The following DCUN1D1 variants were observed in gnomAD, a reference collection of about 807,000 sequenced individuals.
The protein encoded by DCUN1D1 is DCN1-like protein 1.
In DCUN1D1, 3 loss-of-function variants were observed where a neutral mutation model predicts 39.0. The ratio of observed to expected loss-of-function variants is 0.08; its 90% confidence interval spans 0.04 to 0.20. DCUN1D1 has a LOEUF of 0.20. Ranked by LOEUF, DCUN1D1 falls within the 10% of genes least tolerant of loss-of-function variation. The pLI, the probability that DCUN1D1 is intolerant of heterozygous loss-of-function variation, is 1.00. For synonymous variants in DCUN1D1, 82 were observed against 96.3 expected, an observed-to-expected ratio of 0.85 and a Z score of 0.87; for missense variants, 158 against 302.4, an observed-to-expected ratio of 0.52 and a Z score of 3.54.
At chr3:182,980,858 C>T (rs1288542141), upstream of DCUN1D1, 1 of 151,702 alleles carries the variant, frequency 6.6e-6, no homozygotes, top group African/African-American at 2.4e-5. Context: ...GCGGTTCCTT[C>T]CGGACGACCA....
At chr3:182,978,271 G>A (rs975914266) in intron 1 of DCUN1D1, among the ~76,000 whole-genome samples, 3 of 152,136 alleles carry the variant, frequency 2.0e-5, no homozygotes, top group African/African-American at 7.2e-5. Context: ...TCACAGCCCC[G>A]AAACTGCATA....
At chr3:182,965,466 C>T in intron 2 of DCUN1D1, 71 bp downstream of exon 2, 2 of 951,548 alleles carry the variant, frequency 2.1e-6, no homozygotes, top group East Asian at 2.5e-5. Context: ...TATAGTATTT[C>T]ATTTCTCATA....
At chr3:182,955,063 T>C (rs1264515849) in intron 4 of DCUN1D1, among the ~76,000 whole-genome samples, 1 of 151,948 alleles carries the variant, frequency 6.6e-6, no homozygotes, top group East Asian at 1.9e-4. Flanking sequence ...TTTTTGAGAC[T>C]GAGCCTCGCT....
intron 1 of DCUN1D1, among the ~76,000 whole-genome samples, chr3:182,972,780 C>T (rs924808189): frequency 2.0e-5 from 3 of 152,194 alleles, no homozygotes; most frequent in African/African-American, 7.2e-5. Context: ...GTGGCTCACA[C>T]CTGTAATCCC....
At chr3:182,979,108 G>T (rs1728385328) in intron 1 of DCUN1D1, among the ~76,000 whole-genome samples, 1 of 152,200 alleles carries the variant, frequency 6.6e-6, no homozygotes, top group Non-Finnish European at 1.5e-5. Context: ...ACTAGAAACT[G>T]TTTAGACTGC....
chr3:182,945,282 A>G, intron 6 of DCUN1D1, 109 bp from the exon 7 acceptor site: 3 of 832,044 alleles, frequency 3.6e-6, no homozygotes, highest in East Asian at 5.4e-5. Context: ...GCGTTAAAGT[A>G]TATCATTCTT....
At chr3:182,983,091 C>T (rs1728612768), upstream of DCUN1D1, among the ~76,000 whole-genome samples, 1 of 152,162 alleles carries the variant, frequency 6.6e-6, no homozygotes. Context: ...AAGCATGAGC[C>T]TCTGGAATGG....
At position 182,955,406 on chromosome 3, in the gene DCUN1D1, TTC is replaced by T. The variant is rs1199952184; in HGVS notation, c.520+5818_520+5819del. 19 of 543,680 alleles carry T rather than the reference TTC, an allele frequency of 3.5e-5. 1 individual carries two copies. Among genetic ancestry groups the T allele is most frequent in the Middle Eastern group, 4.7e-4 (1 of 2,132 alleles). The allele number at this position is 543,680 out of a possible 1,614,324, so 33.7% of individuals were successfully genotyped here. A position where few individuals can be genotyped will look rare whatever the true frequency, so the allele number is the denominator to read the frequency against. On this transcript the variant is annotated intron_variant, in intron 4 of 6. Transcript: ENST00000292782. ...TGAACAGAATAGCAATGTCTTCTTC[TTC>T]CCACATTTTGCGCAAACTTCAAGTT...
chr3:182,947,422 A>G, intron 5 of DCUN1D1, 88 bp from the exon 6 acceptor site: 2 of 1,130,160 alleles, frequency 1.8e-6, no homozygotes, highest in East Asian at 5.0e-5. Flanking sequence ...ACAAGAATGC[A>G]AAACAATTAT....
intron 1 of DCUN1D1, among the ~76,000 whole-genome samples, chr3:182,973,752 A>G (rs1241751614): frequency 1.3e-5 from 2 of 151,270 alleles, no homozygotes; most frequent in Non-Finnish European, 2.9e-5. Flanking sequence ...GGCTGCAGTG[A>G]GCTGAAATTG....
Position 182,941,802 on chromosome 3 carries a change from GCAC to G in DCUN1D1, c.*3289_*3291del, listed in dbSNP as rs979025330. 1 of 152,000 alleles carries G rather than the reference GCAC, an allele frequency of 6.6e-6. No homozygotes were observed. Among genetic ancestry groups the G allele is most frequent in the African/African-American group, 2.4e-5 (1 of 41,410 alleles). The allele number at this position is 152,000 out of a possible 1,614,324, so 9.4% of individuals were successfully genotyped here. A position where few individuals can be genotyped will look rare whatever the true frequency, so the allele number is the denominator to read the frequency against. ...TTGTGAACCATGGTGAATTTCCCCAGCACCACTTTTTTATTCCAAAACTCCTTC... is the reference window on the plus strand; with the variant it reads ...TTGTGAACCATGGTGAATTTCCCCAGCACTTTTTTATTCCAAAACTCCTTC... On this transcript the variant is annotated 3_prime_UTR_variant, in exon 7 of 7. Coordinates refer to ENST00000292782, the MANE Select transcript of DCUN1D1 (RefSeq NM_020640.4).
At chr3:182,957,937 C>CAA (rs34998390) in intron 4 of DCUN1D1, among the ~76,000 whole-genome samples, 38,032 of 67,550 alleles carry the variant, frequency 0.56, 12,780 homozygotes, top group Non-Finnish European at 0.73. Context: ...GACCCTGCAT[C>CAA]AAAAAAAAAA....
chr3:182,982,163 G>A (rs931365755), upstream of DCUN1D1, among the ~76,000 whole-genome samples: 12 of 152,170 alleles, frequency 7.9e-5, no homozygotes, highest in Non-Finnish European at 1.5e-5. Flanking sequence ...CCTCTCGCCT[G>A]CGTTTGGACA....
At position 182,950,383 on chromosome 3, in the gene DCUN1D1, T is replaced by C. The variant is rs148891032; in HGVS notation, c.521-2751A>G. Reference sequence around the variant, plus strand: ...GGATGGTCTCTATCTCCTGACCTTGTGATCCGCCTGCCTCAGCCTACCAAA... The same window carrying C: ...GGATGGTCTCTATCTCCTGACCTTGCGATCCGCCTGCCTCAGCCTACCAAA... On this transcript the variant is annotated intron_variant, in intron 4 of 6. Transcript: ENST00000292782. 2.8e-3 allele frequency among the ~76,000 whole-genome samples: 427 copies of C among 152,164 alleles called. 3 individuals are homozygous for C. Among genetic ancestry groups the C allele is most frequent in the African/African-American group, 1.0e-2 (415 of 41,534 alleles).
At chr3:182,960,802 G>A (rs1375866739) in intron 4 of DCUN1D1, among the ~76,000 whole-genome samples, 3 of 152,174 alleles carry the variant, frequency 2.0e-5, no homozygotes, top group Non-Finnish European at 4.4e-5. Flanking sequence ...CATCCTTATA[G>A]TTTTCAAATA....
chr3:182,949,856 G>A (rs1233673665), intron 4 of DCUN1D1, among the ~76,000 whole-genome samples: 3 of 152,164 alleles, frequency 2.0e-5, no homozygotes, highest in Non-Finnish European at 4.4e-5. Context: ...CTAGCAGACT[G>A]AAATACACAG....
intron 4 of DCUN1D1, among the ~76,000 whole-genome samples, chr3:182,955,203 G>C (rs1430768467): frequency 2.0e-5 from 3 of 152,106 alleles, no homozygotes; most frequent in Non-Finnish European, 4.4e-5. Flanking sequence ...ACCACACCCG[G>C]CTAATTTAAA....
rs554132669 is a variant in DCUN1D1 at position 182,961,917 on chromosome 3, C to T, written c.390-561G>A. Among the ~76,000 whole-genome samples the T allele has an allele frequency of 1.1e-3, 166 of 152,278 alleles. 2 individuals carry two copies. Among genetic ancestry groups the T allele is most frequent in the Middle Eastern group, 0.01 (3 of 294 alleles). ...CTGTATGTGCAAAACATTCAACTTT[C>T]GAAGAGTTTGAAAAGCTCTAAGTAC... On this transcript the variant is annotated intron_variant, in intron 3 of 6. Transcript: ENST00000292782.
intron 6 of DCUN1D1, 87 bp downstream of exon 6, chr3:182,947,151 G>GA: frequency 1.5e-6 from 1 of 675,118 alleles, no homozygotes; most frequent in Non-Finnish European, 2.4e-6. Flanking sequence ...TTCCAACTCC[G>GA]AGAAAAACAA....
Sources: allele counts gnomAD v4.1 joint callset (sites outside exome capture counted in the v4.1 genomes callset), GRCh38; gene constraint gnomAD v4.1.1; transcripts MANE v1.5; gene names NCBI Gene and HGNC (gene_info 2026-07-23, HGNC 2026-07-21).